Variants in PPARGC1A observed in about 807,000 individuals in gnomAD.
PPARGC1A encodes the protein PPARG coactivator 1 alpha.
A neutral mutation model predicts 88.7 loss-of-function variants in PPARGC1A; 25 were observed. The ratio of observed to expected loss-of-function variants is 0.28; its 90% confidence interval spans 0.21 to 0.39. The LOEUF is 0.39. Ranked by LOEUF, PPARGC1A falls within the 10% of genes least tolerant of loss-of-function variation. PPARGC1A has a pLI of 1.00. For synonymous variants in PPARGC1A, 363 were observed against 355.6 expected (o/e 1.02, Z -0.24); for missense variants, 880 against 968.7 (o/e 0.91, Z 1.22).
intron 2 of PPARGC1A, among the ~76,000 whole-genome samples, chr4:23,860,051 T>C (rs1158069448): frequency 6.6e-6 from 1 of 151,884 alleles, no homozygotes; most frequent in Non-Finnish European, 1.5e-5. Context: ...ATGGGAGGAT[T>C]GATTGAGGCC....
At chr4:24,346,461 GT>G in the PPARGC1A span, among the ~76,000 whole-genome samples, 1 of 152,026 alleles carries the variant, frequency 6.6e-6, no homozygotes, top group Admixed American at 6.6e-5. Context: ...CTCGCTGCTT[GT>G]TTTTGGTCTG....
the PPARGC1A span, among the ~76,000 whole-genome samples, chr4:24,323,096 T>C: frequency 6.6e-6 from 1 of 152,026 alleles, no homozygotes; most frequent in Non-Finnish European, 1.5e-5. Flanking sequence ...CCCAAATAGA[T>C]CATTTGGGAA....
the PPARGC1A span, among the ~76,000 whole-genome samples, chr4:24,208,323 G>A: frequency 6.6e-6 from 1 of 151,956 alleles, no homozygotes; most frequent in East Asian, 1.9e-4. Flanking sequence ...GAAGGAGGCA[G>A]GGAGGGAGGG....
the PPARGC1A span, among the ~76,000 whole-genome samples, chr4:24,268,871 T>C: frequency 1.3e-5 from 2 of 152,228 alleles, no homozygotes; most frequent in South Asian, 4.1e-4. Context: ...CGTACATATT[T>C]ATGGAGTTCC....
At chr4:24,233,617 CACACAT>C in the PPARGC1A span, among the ~76,000 whole-genome samples, 3 of 146,000 alleles carry the variant, frequency 2.1e-5, no homozygotes, top group Non-Finnish European at 3.1e-5. Flanking sequence ...CACACACACA[CACACAT>C]ATACACACCC....
chr4:24,018,204 C>T, the PPARGC1A span, among the ~76,000 whole-genome samples: 1 of 152,242 alleles, frequency 6.6e-6, no homozygotes, highest in South Asian at 2.1e-4. Context: ...TTACAAAATC[C>T]GTTGGGATTT....
chr4:24,151,465 C>T, the PPARGC1A span, among the ~76,000 whole-genome samples: 5 of 152,130 alleles, frequency 3.3e-5, no homozygotes, highest in Non-Finnish European at 5.9e-5. Flanking sequence ...TAATCACCTC[C>T]CAAAGGTCCA....
At chr4:24,331,228 G>A in the PPARGC1A span, among the ~76,000 whole-genome samples, 15 of 152,252 alleles carry the variant, frequency 9.9e-5, no homozygotes, top group African/African-American at 3.6e-4. Flanking sequence ...TACTGGCCAA[G>A]CTCATTCCCT....
chr4:23,951,534 T>C, the PPARGC1A span, among the ~76,000 whole-genome samples: 3 of 152,272 alleles, frequency 2.0e-5, no homozygotes, highest in South Asian at 2.1e-4. Context: ...GAAAAATGTG[T>C]TCCAGTTTGT....
upstream of PPARGC1A, among the ~76,000 whole-genome samples, chr4:23,891,303 A>G (rs934375467): frequency 6.6e-6 from 1 of 152,192 alleles, no homozygotes; most frequent in Non-Finnish European, 1.5e-5. Flanking sequence ...GTTTTCATAA[A>G]ATGTTAAACC....
chr4:24,114,228 A>G, the PPARGC1A span, among the ~76,000 whole-genome samples: 1 of 152,098 alleles, frequency 6.6e-6, no homozygotes, highest in South Asian at 2.1e-4. Context: ...CCTGTTAAGT[A>G]AAAAATGAAC....
chr4:24,240,122 T>C, the PPARGC1A span, among the ~76,000 whole-genome samples: 176 of 152,334 alleles, frequency 1.2e-3, no homozygotes, highest in African/African-American at 4.0e-3. Flanking sequence ...TTTAAATTAA[T>C]GCCCTTAAAA....
chr4:23,961,508 G>A, the PPARGC1A span, among the ~76,000 whole-genome samples: 5 of 152,122 alleles, frequency 3.3e-5, no homozygotes, highest in African/African-American at 1.2e-4. Context: ...GTGACAACAT[G>A]TGTGGGTAAT....
chr4:24,375,409 A>G, the PPARGC1A span, among the ~76,000 whole-genome samples: 1 of 152,214 alleles, frequency 6.6e-6, no homozygotes, highest in African/African-American at 2.4e-5. Flanking sequence ...GGTGCAGTGT[A>G]CCAAATTTTA....
intron 2 of PPARGC1A, among the ~76,000 whole-genome samples, chr4:23,851,307 A>G (rs1323858620): frequency 6.6e-6 from 1 of 152,182 alleles, no homozygotes. Context: ...AATATTAGTA[A>G]CAATATGTTG....
At chr4:23,874,786 C>T (rs1266125205) in intron 2 of PPARGC1A, among the ~76,000 whole-genome samples, 1 of 152,192 alleles carries the variant, frequency 6.6e-6, no homozygotes, top group Admixed American at 6.5e-5. Context: ...ACAGCAACTG[C>T]TTTTGGTCAA....
chr4:24,235,710 G>C, the PPARGC1A span, among the ~76,000 whole-genome samples: 1 of 152,192 alleles, frequency 6.6e-6, no homozygotes, highest in Non-Finnish European at 1.5e-5. Flanking sequence ...AGCCAAAAGA[G>C]AAACTGCAGT....
intron 3 of PPARGC1A, among the ~76,000 whole-genome samples, chr4:23,830,005 A>C (rs1724717244): frequency 6.6e-6 from 1 of 152,204 alleles, no homozygotes. Flanking sequence ...TCTTTCTAAA[A>C]TAATTTCCAA....
At chr4:24,145,078 AGTGTGTGTGTGT>A in the PPARGC1A span, among the ~76,000 whole-genome samples, 2,026 of 144,296 alleles carry the variant, frequency 0.014, 15 homozygotes, top group Non-Finnish European at 0.023. Flanking sequence ...GTGTTGAATG[AGTGTGTGTGTGT>A]GTGTGTGTGT....
Sources: gnomAD v4.1 joint callset for allele counts (sites outside exome capture counted in the v4.1 genomes callset) on GRCh38, gnomAD v4.1.1 for gene constraint, MANE v1.5 for transcripts, NCBI Gene and HGNC (gene_info 2026-07-23, HGNC 2026-07-21) for gene names.